The following DCLK1 variants were observed in gnomAD, a reference collection of about 807,000 sequenced individuals.
The protein encoded by DCLK1 is serine/threonine-protein kinase DCLK1.
In DCLK1, 16 loss-of-function variants were observed where a neutral mutation model predicts 86.2. That is an observed-to-expected ratio of 0.19 (90% CI 0.13 to 0.28). The LOEUF (loss-of-function observed/expected upper bound fraction) is 0.28. Ranked by LOEUF, DCLK1 falls within the 10% of genes least tolerant of loss-of-function variation. DCLK1 has a pLI of 1.00. For synonymous variants in DCLK1, 369 were observed against 370.5 expected (o/e 1.00, Z 0.05); for missense variants, 590 against 940.2 (o/e 0.63, Z 4.87).
In DCLK1 at chr13:36,112,599, C is replaced by G. The variant is rs140308986; in HGVS notation, c.377-384G>C. On this transcript the variant is annotated intron_variant, in intron 2 of 16. Coordinates refer to ENST00000360631, the MANE Select transcript of DCLK1 (RefSeq NM_001330071.2). ...TCAAAATTGGAAGTACCTCCATTTG[C>G]TACCTGAGATAATTTAAACACTAAG... Among the ~76,000 whole-genome samples the G allele has an allele frequency of 5.3e-3, 808 of 152,260 alleles. 14 individuals carry two copies. The highest frequency in any genetic ancestry group is 0.044 in the Admixed American group (668 of 15,284).
Position 36,075,951 on chromosome 13 carries a change from G to A in DCLK1, c.723+35918C>T, listed in dbSNP as rs556926914. On this transcript the variant is annotated intron_variant, in intron 3 of 16. Coordinates refer to ENST00000360631, the MANE Select transcript of DCLK1 (RefSeq NM_001330071.2). ...GAGGCTGGAGAATCACTTGAACCTGGGAGGCCGAGGATGCAGTGAGCTGAG... is the reference window on the plus strand; with the variant it reads ...GAGGCTGGAGAATCACTTGAACCTGAGAGGCCGAGGATGCAGTGAGCTGAG... Among the ~76,000 whole-genome samples, 284 of 152,276 alleles carry A rather than the reference G, an allele frequency of 1.9e-3. 1 individual carries two copies. The highest frequency in any genetic ancestry group is 6.6e-3 in the African/African-American group (273 of 41,536).
At chr13:35,836,199 A>C (rs938338914) in intron 7 of DCLK1, 58 bp from the exon 8 acceptor site, 52 of 1,385,612 alleles carry the variant, frequency 3.8e-5, no homozygotes, top group Non-Finnish European at 4.9e-5. Flanking sequence ...ATGTTGCACA[A>C]GGAAACATTT....
chr13:36,048,168 A>G (rs1431068532), intron 3 of DCLK1, among the ~76,000 whole-genome samples: 1 of 152,168 alleles, frequency 6.6e-6, no homozygotes. Flanking sequence ...ATTAAAAAGT[A>G]GTCTGTGAAT....
At chr13:36,022,516 G>GA (rs531419484) in intron 3 of DCLK1, among the ~76,000 whole-genome samples, 26 of 149,758 alleles carry the variant, frequency 1.7e-4, no homozygotes, top group African/African-American at 5.9e-4. Flanking sequence ...CCTTTAGCTA[G>GA]AAAAAAAAAC....
intron 11 of DCLK1, among the ~76,000 whole-genome samples, chr13:35,811,626 G>A (rs943461164): frequency 6.6e-6 from 1 of 152,090 alleles, no homozygotes; most frequent in East Asian, 1.9e-4. Context: ...CTGAGGTCAG[G>A]GGTTCAAGAC....
chr13:36,089,718 T>A (rs749885816), intron 3 of DCLK1, among the ~76,000 whole-genome samples: 1 of 152,188 alleles, frequency 6.6e-6, no homozygotes, highest in Non-Finnish European at 1.5e-5. Context: ...CTCACACCAA[T>A]AACATCTAGC....
chr13:35,823,168 G>A (rs1418473758), intron 10 of DCLK1, among the ~76,000 whole-genome samples: 1 of 152,134 alleles, frequency 6.6e-6, no homozygotes. Flanking sequence ...GGGACGAGGA[G>A]ATGCAGCTAG....
intron 3 of DCLK1, among the ~76,000 whole-genome samples, chr13:36,012,489 C>T: frequency 1.4e-5 from 2 of 146,320 alleles, no homozygotes; most frequent in African/African-American, 2.5e-5. Context: ...ACTTATGAAG[C>T]TTAGTTTGGC....
chr13:36,072,861 T>C (rs1041414635), intron 3 of DCLK1, among the ~76,000 whole-genome samples: 5 of 152,240 alleles, frequency 3.3e-5, no homozygotes, highest in Non-Finnish European at 7.3e-5. Flanking sequence ...GAACTGGAAA[T>C]TATGTAATAT....
chr13:36,057,741 G>A (rs1383542972), intron 3 of DCLK1, among the ~76,000 whole-genome samples: 2 of 152,160 alleles, frequency 1.3e-5, no homozygotes, highest in East Asian at 1.9e-4. Context: ...CTTTTAGTTT[G>A]CAGAATGAAA....
intron 3 of DCLK1, among the ~76,000 whole-genome samples, chr13:35,991,409 C>A (rs1339822329): frequency 6.6e-6 from 1 of 152,114 alleles, no homozygotes; most frequent in Non-Finnish European, 1.5e-5. Context: ...CATCTGTAAT[C>A]CCAGCACTTT....
At chr13:35,829,982 T>G (rs1049266507) in intron 8 of DCLK1, among the ~76,000 whole-genome samples, 2 of 152,180 alleles carry the variant, frequency 1.3e-5, no homozygotes. Context: ...TGTGGCTAAA[T>G]GCAGGGCTTG....
At position 35,839,135 on chromosome 13, in the gene DCLK1, G is replaced by A; in HGVS notation, c.1077C>T (p.Thr359=). 1 of 1,597,364 alleles carries A rather than the reference G, an allele frequency of 6.3e-7. No homozygotes were observed. Among genetic ancestry groups the A allele is most frequent in the Non-Finnish European group, 8.5e-7 (1 of 1,172,124 alleles). Residue 359 remains threonine (T), a synonymous_variant, in exon 7 of 17, where the codon ACC becomes ACT. Transcript: ENST00000360631. ...TCTCATCCATCGAGCTGCAGACTTT[G>A]GTGGACGCAAGTGACGTAGAGGAGC... ...HGGSSTSLAS[T]KVCSSMDEND... is the part of the protein sequence containing the mutation.
rs140849177 is a variant in DCLK1, at chr13:36,078,603, G to T, written c.723+33266C>A. ...GAAACATTTTCAGGGTGTCCAGAGG[G>T]ATGAGCTATCTCCAAATGAAGATGA... On this transcript the variant is annotated intron_variant, in intron 3 of 16. Transcript: ENST00000360631. 5.9e-3 allele frequency among the ~76,000 whole-genome samples: 904 copies of T among 152,298 alleles called. 9 individuals are homozygous for T. The highest frequency in any genetic ancestry group is 0.021 in the African/African-American group (852 of 41,554).
At chr13:35,941,762 C>T (rs941739363) in intron 4 of DCLK1, among the ~76,000 whole-genome samples, 1 of 152,170 alleles carries the variant, frequency 6.6e-6, no homozygotes, top group Non-Finnish European at 1.5e-5. Flanking sequence ...TTAAATAACA[C>T]ATTTTTAAAT....
intron 4 of DCLK1, among the ~76,000 whole-genome samples, chr13:35,879,239 G>A (rs1428366367): frequency 6.6e-6 from 1 of 152,208 alleles, no homozygotes; most frequent in African/African-American, 2.4e-5. Flanking sequence ...AGGGAGGTAT[G>A]TTTAAACCAG....
chr13:36,048,672 G>T lies in DCLK1; in HGVS notation c.723+63197C>A, dbSNP rs146251053. On this transcript the variant is annotated intron_variant, in intron 3 of 16. Coordinates refer to ENST00000360631, the MANE Select transcript of DCLK1 (RefSeq NM_001330071.2). ...GTCCAAGAATAACACACTAGAAACA[G>T]CACTAAATTGGAAAATAAGAGACTT... Among the ~76,000 whole-genome samples, 308 of 152,290 alleles carry T rather than the reference G, an allele frequency of 2.0e-3. 2 individuals carry two copies. Among genetic ancestry groups the T allele is most frequent in the African/African-American group, 7.2e-3 (299 of 41,568 alleles).
chr13:36,081,205 C>T (rs1458890955), intron 3 of DCLK1, among the ~76,000 whole-genome samples: 1 of 152,036 alleles, frequency 6.6e-6, no homozygotes, highest in East Asian at 1.9e-4. Flanking sequence ...TAATTATTAA[C>T]ATAATGAAGC....
intron 2 of DCLK1, among the ~76,000 whole-genome samples, chr13:36,115,793 C>T (rs553620447): frequency 3.3e-5 from 5 of 150,656 alleles, no homozygotes; most frequent in Non-Finnish European, 7.4e-5. Context: ...CCAACTAATA[C>T]TAAAATGTCA....
Sources: gnomAD v4.1 joint callset for allele counts (sites outside exome capture counted in the v4.1 genomes callset) on GRCh38, gnomAD v4.1.1 for gene constraint, MANE v1.5 for transcripts, NCBI Gene and HGNC (gene_info 2026-07-23, HGNC 2026-07-21) for gene names.